Variants in NFYB observed in about 807,000 individuals in gnomAD.
NFYB encodes CAAT box DNA-binding protein subunit B.
A neutral mutation model predicts 28.0 loss-of-function variants in NFYB; 13 were observed. The observed-to-expected ratio is 0.46, with a 90% CI of 0.30 to 0.74. The LOEUF (loss-of-function observed/expected upper bound fraction) is 0.74. NFYB is among the 30% of genes least tolerant of loss of function. The pLI is 0.07. For synonymous variants in NFYB, 74 were observed against 75.0 expected (o/e 0.99, Z 0.07); for missense variants, 142 against 247.6 (o/e 0.57, Z 2.86).
At chr12:104,136,452 A>G (rs1377725250) in intron 1 of NFYB, among the ~76,000 whole-genome samples, 1 of 152,250 alleles carries the variant, frequency 6.6e-6, no homozygotes, top group Non-Finnish European at 1.5e-5. Context: ...CAGGTAGCAA[A>G]AACTGCTTGA....
Position 104,126,068 on chromosome 12 carries a change from C to T in NFYB, c.231+46G>A, listed in dbSNP as rs369138334. 2.1e-4 allele frequency: 325 copies of T among 1,518,756 alleles called. 1 individual carries two copies. The highest frequency in any genetic ancestry group is 9.6e-4 in the Middle Eastern group (4 of 4,160). 94.1% of individuals were successfully genotyped at this position (1,518,756 alleles called of 1,614,324 possible). On this transcript the variant is annotated intron_variant, in intron 4 of 7. Coordinates refer to ENST00000240055, the MANE Select transcript of NFYB (RefSeq NM_006166.4). ...CATGACCTATGAATTCATGTAGTTT[C>T]GTGTTTCCCTTGAAAAAACCTAGTT...
chr12:104,121,476 C>A (rs1482898625), intron 5 of NFYB, among the ~76,000 whole-genome samples, 155 bp from the exon 6 acceptor site: 1 of 152,128 alleles, frequency 6.6e-6, no homozygotes, highest in Non-Finnish European at 1.5e-5. Flanking sequence ...ATGAAGAAGG[C>A]TTTCAGAAGG....
Position 104,123,719 on chromosome 12 carries a change from G to A in NFYB, c.232-296C>T, listed in dbSNP as rs1298162528. Among the ~76,000 whole-genome samples, 4 of 152,166 alleles carry A rather than the reference G, an allele frequency of 2.6e-5. No homozygotes were observed. In the East Asian group the frequency reaches 7.7e-4, roughly 29 times the overall value. ...TCATGCCTGTAATCCCAGCACTTTG[G>A]GAGGCCGAGGCGGGCGGATGACCTG... is the stretch of plus-strand genomic sequence containing the variant. On this transcript the variant is annotated intron_variant, in intron 4 of 7. Transcript: ENST00000240055.
chr12:104,135,988 A>G (rs17806516), intron 1 of NFYB, among the ~76,000 whole-genome samples: 8,419 of 152,280 alleles, frequency 0.055, 265 homozygotes, highest in South Asian at 0.11. Flanking sequence ...TAACATTTAG[A>G]CATTCTATAG....
At chr12:104,122,753 G>C (rs2030528498) in intron 5 of NFYB, among the ~76,000 whole-genome samples, 2 of 152,150 alleles carry the variant, frequency 1.3e-5, no homozygotes, top group Non-Finnish European at 2.9e-5. Flanking sequence ...TGCCAAAAAT[G>C]TTGAGGACTG....
rs774018587 is a variant in NFYB, at chr12:104,118,013, T to A, written c.*1724A>T. 1.3e-5 allele frequency: 2 copies of A among 152,104 alleles called. No individual in the cohort carries two copies. Among genetic ancestry groups the A allele is most frequent in the African/African-American group, 2.4e-5 (1 of 41,412 alleles). The allele number at this position is 152,104 out of a possible 1,614,324, so 9.4% of individuals were successfully genotyped here. On this transcript the variant is annotated 3_prime_UTR_variant, in exon 8 of 8. Coordinates refer to ENST00000240055, the MANE Select transcript of NFYB (RefSeq NM_006166.4). ...AGATGTAAATAGTCAAAATATCCAA[T>A]AGAAGATTAAATGAATTATGATTGA...
At chr12:104,127,024 T>C (rs562616547) in intron 3 of NFYB, among the ~76,000 whole-genome samples, 3 of 152,330 alleles carry the variant, frequency 2.0e-5, no homozygotes, top group South Asian at 2.1e-4. Context: ...TTTCAAATTA[T>C]ATAAATTTAG....
intron 2 of NFYB, chr12:104,131,695 CTG>C: frequency 2.2e-6 from 1 of 454,950 alleles, no homozygotes; most frequent in Non-Finnish European, 4.4e-6. Context: ...ATAAAACAGA[CTG>C]TAGATTGTCA....
chr12:104,120,653 A>T (rs908276130), intron 6 of NFYB, among the ~76,000 whole-genome samples, 174 bp from the exon 7 acceptor site: 1 of 152,098 alleles, frequency 6.6e-6, no homozygotes, highest in African/African-American at 2.4e-5. Context: ...TTCCCTAAAA[A>T]CCACATTATT....
intron 1 of NFYB, among the ~76,000 whole-genome samples, chr12:104,136,265 T>C (rs2031096655): frequency 6.6e-6 from 1 of 152,192 alleles, no homozygotes; most frequent in Admixed American, 6.5e-5. Context: ...CTCCATTCTT[T>C]CTCAAAGGAA....
intron 2 of NFYB, among the ~76,000 whole-genome samples, chr12:104,130,953 CAG>C (rs1056446138): frequency 1.3e-5 from 2 of 152,096 alleles, no homozygotes; most frequent in Non-Finnish European, 2.9e-5. Context: ...GGAAGAATAA[CAG>C]AAATTCTTTC....
At chr12:104,137,200 C>T (rs573904649) in intron 1 of NFYB, among the ~76,000 whole-genome samples, 1 of 152,280 alleles carries the variant, frequency 6.6e-6, no homozygotes, top group Admixed American at 6.5e-5. Context: ...AGGTCGCAGG[C>T]TACCTAACCT....
In NFYB at chr12:104,130,862, G is replaced by A. The variant is rs188198798; in HGVS notation, c.7-2345C>T. On this transcript the variant is annotated intron_variant, in intron 2 of 7. Coordinates refer to ENST00000240055, the MANE Select transcript of NFYB (RefSeq NM_006166.4). Reference sequence around the variant, plus strand: ...ACCTAAGGAAGATCAAGGTGCAGGAGACAGGACCAAAGTGGTTGTTTCAGA... The same window carrying A: ...ACCTAAGGAAGATCAAGGTGCAGGAAACAGGACCAAAGTGGTTGTTTCAGA... 4.6e-5 allele frequency among the ~76,000 whole-genome samples: 7 copies of A among 152,244 alleles called. No homozygotes were observed. The East Asian group carries it at 1.3e-3, about 29-fold the overall frequency.
chr12:104,126,017 G>T, intron 4 of NFYB, 97 bp downstream of exon 4: 1 of 1,248,436 alleles, frequency 8.0e-7, no homozygotes, highest in Non-Finnish European at 1.1e-6. Context: ...AAGCCTGAAT[G>T]ATTGAAATCA....
At chr12:104,130,198 A>G (rs1397823784) in intron 2 of NFYB, among the ~76,000 whole-genome samples, 2 of 152,228 alleles carry the variant, frequency 1.3e-5, no homozygotes, top group African/African-American at 2.4e-5. Context: ...TGTAATTCAT[A>G]CATACTTTCA....
chr12:104,123,450 C>A, intron 4 of NFYB, 27 bp from the exon 5 acceptor site: 1 of 1,598,312 alleles, frequency 6.3e-7, no homozygotes, highest in South Asian at 1.1e-5. Flanking sequence ...AGGTAAATTA[C>A]AGAAACTATA....
rs867023380 is a variant in NFYB at position 104,127,401 on chromosome 12, G to A, written c.100+1023C>T. Among the ~76,000 whole-genome samples the A allele has an allele frequency of 7.9e-5, 12 of 151,666 alleles. No individual in the cohort carries two copies. The South Asian group carries it at 2.1e-3, about 26-fold the overall frequency. On this transcript the variant is annotated intron_variant, in intron 3 of 7. Transcript: ENST00000240055. Reference sequence around the variant, plus strand: ...AGCCTGACCAACACAGCGAAACCCTGTCTCTACTAAAAAAAAATTAGCTGG... The same window carrying A: ...AGCCTGACCAACACAGCGAAACCCTATCTCTACTAAAAAAAAATTAGCTGG...
Position 104,119,705 on chromosome 12 carries a change from C to G in NFYB, c.*32G>C. 1 of 1,547,898 alleles carries G rather than the reference C, an allele frequency of 6.5e-7. No homozygotes were observed. The highest frequency in any genetic ancestry group is 8.9e-7 in the Non-Finnish European group (1 of 1,122,502). On this transcript the variant is annotated 3_prime_UTR_variant, in exon 8 of 8. Coordinates refer to ENST00000240055, the MANE Select transcript of NFYB (RefSeq NM_006166.4). ...TCCAGAATCATACAGACTCTCATTT[C>G]TCTACACTCCCCATTCCATCATTTC...
chr12:104,124,028 C>G (rs1057410460), intron 4 of NFYB, among the ~76,000 whole-genome samples: 1 of 152,084 alleles, frequency 6.6e-6, no homozygotes, highest in Non-Finnish European at 1.5e-5. Flanking sequence ...CCTACCACCC[C>G]ACAGAGGATG....
Sources: gnomAD v4.1 joint callset for allele counts (sites outside exome capture counted in the v4.1 genomes callset) on GRCh38, gnomAD v4.1.1 for gene constraint, MANE v1.5 for transcripts, NCBI Gene and HGNC (gene_info 2026-07-23, HGNC 2026-07-21) for gene names.